The following LRRC7 variants were observed in gnomAD, a reference collection of about 807,000 sequenced individuals.
LRRC7 encodes the protein leucine-rich repeat-containing protein 7.
LRRC7 carries 23 observed loss-of-function variants against 175.7 expected under a neutral mutation model. The observed-to-expected ratio is 0.13, with a 90% confidence interval of 0.09 to 0.19. LRRC7 has a LOEUF of 0.19. Ranked by LOEUF, LRRC7 falls within the 10% of genes least tolerant of loss-of-function variation. The pLI, the probability that LRRC7 is intolerant of heterozygous loss-of-function variation, is 1.00. For synonymous variants in LRRC7, 685 were observed against 680.9 expected (o/e 1.01, Z -0.09); for missense variants, 1,354 against 1,904.7 (o/e 0.71, Z 5.38).
chr1:69,700,914 C>T (rs116274686), intron 2 of LRRC7, among the ~76,000 whole-genome samples: 65 of 152,256 alleles, frequency 4.3e-4, no homozygotes, highest in Admixed American at 1.2e-3. Context: ...GAAATCCTTG[C>T]ATGTCAGACA....
intron 2 of LRRC7, among the ~76,000 whole-genome samples, chr1:69,717,822 GAAAGAAAGAAAGAAAGAAAAA>G (rs1665639523): frequency 4.3e-5 from 1 of 23,114 alleles, no homozygotes; most frequent in Non-Finnish European, 7.5e-5. Flanking sequence ...AAGAAAGAAA[GAAAGAAAGAAAGAAAGAAAAA>G]AGAAAGAAAG....
intron 2 of LRRC7, among the ~76,000 whole-genome samples, chr1:69,734,182 A>C (rs1667869444): frequency 6.6e-6 from 1 of 151,968 alleles, no homozygotes. Flanking sequence ...AAAATTAAAA[A>C]ATACACAAAG....
chr1:69,927,806 C>T (rs1391542716), intron 7 of LRRC7, among the ~76,000 whole-genome samples: 1 of 152,102 alleles, frequency 6.6e-6, no homozygotes, highest in Non-Finnish European at 1.5e-5. Context: ...CTTCTCTCAA[C>T]TCATCAAAGT....
chr1:69,615,466 G>A (rs541429825), intron 1 of LRRC7, among the ~76,000 whole-genome samples: 76 of 152,058 alleles, frequency 5.0e-4, no homozygotes, highest in Non-Finnish European at 6.8e-4. Flanking sequence ...GGGAAAAAAA[G>A]CATAATAACA....
At position 69,843,468 on chromosome 1, in the gene LRRC7, T is replaced by A. The variant is rs184122565; in HGVS notation, c.647+5185T>A. Reference sequence around the variant, plus strand: ...AAGGAATTATTTAAGAGAAAAATTTTCCGAAGTACAAGCATAAATGATACT... The same window carrying A: ...AAGGAATTATTTAAGAGAAAAATTTACCGAAGTACAAGCATAAATGATACT... On this transcript the variant is annotated intron_variant, in intron 7 of 26. Coordinates refer to ENST00000651989, the MANE Select transcript of LRRC7 (RefSeq NM_001370785.2). Among the ~76,000 whole-genome samples, 39 of 152,254 alleles carry A rather than the reference T, an allele frequency of 2.6e-4. No homozygotes were observed. The East Asian group carries it at 6.8e-3, about 26-fold the overall frequency.
chr1:69,780,252 C>T (rs1436932374), intron 3 of LRRC7, among the ~76,000 whole-genome samples: 1 of 152,034 alleles, frequency 6.6e-6, no homozygotes, highest in Non-Finnish European at 1.5e-5. Context: ...TTCTCTACAT[C>T]AAGGAAAAAA....
At chr1:69,809,288 T>TATCA (rs1203134158) in intron 4 of LRRC7, among the ~76,000 whole-genome samples, 1 of 152,140 alleles carries the variant, frequency 6.6e-6, no homozygotes, top group Non-Finnish European at 1.5e-5. Flanking sequence ...ATTAATAGCC[T>TATCA]ATCAACCGAA....
chr1:69,783,753 C>CAAAAA (rs10712087), intron 3 of LRRC7, among the ~76,000 whole-genome samples: 9 of 84,720 alleles, frequency 1.1e-4, no homozygotes, highest in East Asian at 5.6e-4. Context: ...CTCCCCATCT[C>CAAAAA]AAAAAAAAAA....
At chr1:70,023,823 G>A (rs930277566) in intron 17 of LRRC7, among the ~76,000 whole-genome samples, 1 of 152,138 alleles carries the variant, frequency 6.6e-6, no homozygotes, top group Non-Finnish European at 1.5e-5. Context: ...GAGATTTGCT[G>A]AGAGTGGCCT....
intron 7 of LRRC7, among the ~76,000 whole-genome samples, chr1:69,929,844 C>T (rs1433370551): frequency 2.0e-5 from 3 of 152,176 alleles, no homozygotes; most frequent in Non-Finnish European, 2.9e-5. Flanking sequence ...GCTGTAAGAT[C>T]GCATATTATG....
At chr1:69,893,574 G>A (rs1054939305) in intron 7 of LRRC7, among the ~76,000 whole-genome samples, 1 of 152,048 alleles carries the variant, frequency 6.6e-6, no homozygotes, top group Admixed American at 6.6e-5. Context: ...TAGAAACTTT[G>A]TAGAAGAATT....
chr1:69,781,911 A>G lies in LRRC7; in HGVS notation c.304-10132A>G, dbSNP rs60609943. On this transcript the variant is annotated intron_variant, in intron 3 of 26. Transcript: ENST00000651989. ...GAAGGAAGGAAGGGAAAGAAAGAAA[A>G]AGAAGAAAGAAAGAAAGAAAGAAAG... 6.5e-3 allele frequency among the ~76,000 whole-genome samples: 807 copies of G among 124,334 alleles called. 28 individuals carry two copies. The highest frequency in any genetic ancestry group is 8.5e-3 in the Non-Finnish European group (507 of 59,472). 81.6% of individuals were successfully genotyped at this position (124,334 alleles called of 152,430 possible).
At chr1:69,721,412 C>T (rs1666335921) in intron 2 of LRRC7, among the ~76,000 whole-genome samples, 1 of 151,310 alleles carries the variant, frequency 6.6e-6, no homozygotes, top group African/African-American at 2.4e-5. Flanking sequence ...TTTTTTCTGT[C>T]TCCATAATTT....
intron 7 of LRRC7, among the ~76,000 whole-genome samples, chr1:69,886,127 T>C (rs1687166694): frequency 6.6e-6 from 1 of 151,860 alleles, no homozygotes. Context: ...TAGATGTCTA[T>C]TAGGTCCGGT....
intron 7 of LRRC7, among the ~76,000 whole-genome samples, chr1:69,897,306 T>C (rs1646007321): frequency 6.6e-6 from 1 of 152,196 alleles, no homozygotes; most frequent in African/African-American, 2.4e-5. Context: ...TTTCCTCACT[T>C]CCTTTAGAAC....
At chr1:70,084,632 G>T (rs550622138) in intron 24 of LRRC7, among the ~76,000 whole-genome samples, 3 of 152,152 alleles carry the variant, frequency 2.0e-5, no homozygotes, top group Non-Finnish European at 4.4e-5. Flanking sequence ...ACAAATTTGT[G>T]TGGAGATATA....
intron 22 of LRRC7, 130 bp downstream of exon 22, chr1:70,044,224 G>A (rs1384291523): frequency 2.4e-6 from 2 of 825,726 alleles, no homozygotes; most frequent in Admixed American, 2.5e-5. Flanking sequence ...AAGCACAAGG[G>A]CAAGTAATGT....
At chr1:69,799,586 C>T (rs1304059009) in intron 4 of LRRC7, among the ~76,000 whole-genome samples, 2 of 152,014 alleles carry the variant, frequency 1.3e-5, no homozygotes, top group African/African-American at 4.8e-5. Flanking sequence ...TATTTGTGTG[C>T]TACATTTTCT....
intron 7 of LRRC7, among the ~76,000 whole-genome samples, chr1:69,907,966 A>C (rs1646379475): frequency 6.6e-6 from 1 of 152,124 alleles, no homozygotes; most frequent in Non-Finnish European, 1.5e-5. Flanking sequence ...TCAGAGATTC[A>C]ACTTCTTCCT....
Sources: gnomAD v4.1 joint callset for allele counts (sites outside exome capture counted in the v4.1 genomes callset) on GRCh38, gnomAD v4.1.1 for gene constraint, MANE v1.5 for transcripts, NCBI Gene and HGNC (gene_info 2026-07-23, HGNC 2026-07-21) for gene names.